UNC13C: variants seen among roughly 807,000 people sequenced by gnomAD.
UNC13C encodes protein unc-13 homolog C.
Under a neutral mutation model 245.4 loss-of-function variants are expected in UNC13C, and 174 were observed. That is an observed-to-expected ratio of 0.71 (90% CI 0.63 to 0.80). The LOEUF is 0.80. Ranked by LOEUF, UNC13C falls within the 30% of genes least tolerant of loss-of-function variation. The pLI, the probability that UNC13C is intolerant of heterozygous loss-of-function variation, is 0.00. For synonymous variants in UNC13C, 992 were observed against 895.1 expected (o/e 1.11, Z -1.93); for missense variants, 2,829 against 2,602.9 (o/e 1.09, Z -1.89).
intron 19 of UNC13C, among the ~76,000 whole-genome samples, chr15:54,441,515 T>G (rs982742150): frequency 1.3e-5 from 2 of 152,102 alleles, no homozygotes; most frequent in East Asian, 3.9e-4. Flanking sequence ...TATGTGAATA[T>G]ATTTTAGGGT....
At chr15:54,439,643 G>GT (rs147638265) in intron 19 of UNC13C, among the ~76,000 whole-genome samples, 161 of 151,818 alleles carry the variant, frequency 1.1e-3, no homozygotes, top group Middle Eastern at 6.8e-3. Context: ...AAAGTCTCAA[G>GT]TTTTTTTATC....
chr15:53,895,634 CTG>C, the UNC13C span, among the ~76,000 whole-genome samples: 1 of 152,106 alleles, frequency 6.6e-6, no homozygotes, highest in Non-Finnish European at 1.5e-5. Context: ...CTCCAGCTGT[CTG>C]TGAGATTAGA....
chr15:54,489,778 C>A (rs1167548759), intron 19 of UNC13C, among the ~76,000 whole-genome samples: 1 of 152,138 alleles, frequency 6.6e-6, no homozygotes. Context: ...AACAAACCAA[C>A]AAAATCTTAT....
chr15:54,280,770 A>G (rs2140915723), intron 10 of UNC13C, among the ~76,000 whole-genome samples: 1 of 106,092 alleles, frequency 9.4e-6, no homozygotes, highest in South Asian at 2.7e-4. Context: ...ACATACATAC[A>G]TATATATATA....
In UNC13C at chr15:54,014,010, C is replaced by T; in HGVS notation, c.1107C>T (p.Cys369=). Residue 369 remains cysteine, a synonymous_variant, in exon 2 of 33, where the codon TGC becomes TGT. Coordinates refer to ENST00000260323, the MANE Select transcript of UNC13C (RefSeq NM_001080534.3). ...FAQRIGHQRD[C]PNAKPRPILV... ...AGAGGATAGGACACCAGAGAGACTG[C>T]CCAAATGCAAAGCCTCGACCCATAC... is the stretch of plus-strand genomic sequence containing the variant. The T allele has an allele frequency of 1.2e-6, 2 of 1,613,736 alleles. No homozygotes were observed. The highest frequency in any genetic ancestry group is 2.2e-5 in the South Asian group (2 of 91,066).
intron 2 of UNC13C, among the ~76,000 whole-genome samples, chr15:54,023,902 T>C (rs1173599919): frequency 6.6e-6 from 1 of 152,224 alleles, no homozygotes; most frequent in East Asian, 1.9e-4. Flanking sequence ...ATGAATAGTT[T>C]TTATTTGCTT....
intron 1 of UNC13C, among the ~76,000 whole-genome samples, chr15:53,995,858 G>A (rs535427191): frequency 1.3e-5 from 2 of 152,276 alleles, no homozygotes; most frequent in African/African-American, 4.8e-5. Flanking sequence ...GATGGTGAGA[G>A]GTTGGAGATG....
chr15:54,455,219 A>ATG lies in UNC13C; in HGVS notation c.4934-39388_4934-39387insGT, dbSNP rs1393450532. Among the ~76,000 whole-genome samples, 63 of 70,292 alleles carry ATG rather than the reference A, an allele frequency of 9.0e-4. 4 individuals are homozygous for ATG. Among genetic ancestry groups the ATG allele is most frequent in the African/African-American group, 2.4e-3 (57 of 23,324 alleles). The allele number at this position is 70,292 out of a possible 152,430, so 46.1% of individuals were successfully genotyped here. A position where few individuals can be genotyped will look rare whatever the true frequency, so the allele number is the denominator to read the frequency against. ...TCTCTCTCTCTCTATATATATATATATATATATATATATATATATGTTTTT... is the reference window on the plus strand; with the variant it reads ...TCTCTCTCTCTCTATATATATATATATGTATATATATATATATATATGTTTTT... On this transcript the variant is annotated intron_variant, in intron 19 of 32. Coordinates refer to ENST00000260323, the MANE Select transcript of UNC13C (RefSeq NM_001080534.3).
intron 2 of UNC13C, among the ~76,000 whole-genome samples, chr15:54,132,074 CTT>C (rs1555420957): frequency 1.3e-4 from 14 of 110,670 alleles, no homozygotes; most frequent in Non-Finnish European, 2.4e-4. Flanking sequence ...TTTTCTTTTT[CTT>C]TTTTTTTTTT....
intron 30 of UNC13C, among the ~76,000 whole-genome samples, chr15:54,573,335 T>A (rs1420095060): frequency 6.6e-6 from 1 of 152,178 alleles, no homozygotes; most frequent in Non-Finnish European, 1.5e-5. Flanking sequence ...TGAATCCCAT[T>A]AGAAATTTAT....
chr15:54,133,139 G>A (rs1382708434), intron 2 of UNC13C, among the ~76,000 whole-genome samples: 1 of 152,098 alleles, frequency 6.6e-6, no homozygotes, highest in Non-Finnish European at 1.5e-5. Context: ...CATACCAAAA[G>A]ATATCATAGA....
rs148989460 is a variant in UNC13C, at chr15:54,189,455, A to G, written c.3072-45575A>G. ...GTTGCCTGCTGAATCTTTTATAGCT[A>G]TTAGGAAAATGAGCTCCACAAGTAA... On this transcript the variant is annotated intron_variant, in intron 4 of 32. Transcript: ENST00000260323. 1.5e-3 allele frequency among the ~76,000 whole-genome samples: 230 copies of G among 152,220 alleles called. 1 individual carries two copies. Among genetic ancestry groups the G allele is most frequent in the African/African-American group, 5.2e-3 (218 of 41,542 alleles).
chr15:54,260,457 A>C (rs976701347), intron 8 of UNC13C, among the ~76,000 whole-genome samples: 1 of 151,812 alleles, frequency 6.6e-6, no homozygotes, highest in Non-Finnish European at 1.5e-5. Flanking sequence ...CTGTTGAGAA[A>C]AATAGCAAAA....
chr15:54,469,564 T>A (rs903978035), intron 19 of UNC13C, among the ~76,000 whole-genome samples: 1 of 151,558 alleles, frequency 6.6e-6, no homozygotes, highest in Non-Finnish European at 1.5e-5. Context: ...TGCATATAAT[T>A]AATGCATATC....
intron 14 of UNC13C, among the ~76,000 whole-genome samples, chr15:54,329,738 C>G (rs1041055318): frequency 2.6e-5 from 4 of 152,070 alleles, no homozygotes; most frequent in Non-Finnish European, 1.5e-5. Flanking sequence ...GTTGTTCTGG[C>G]TTTCAGTGAC....
At chr15:54,359,046 A>AT (rs544655781) in intron 17 of UNC13C, among the ~76,000 whole-genome samples, 20 of 151,048 alleles carry the variant, frequency 1.3e-4, no homozygotes, top group South Asian at 4.2e-4. Context: ...ATTTTATAGA[A>AT]TTTTTTTTCT....
chr15:54,625,038 A>C (rs1901047090), intron 32 of UNC13C, among the ~76,000 whole-genome samples: 1 of 152,096 alleles, frequency 6.6e-6, no homozygotes. Context: ...GGAAAGAACT[A>C]TTCATTTCTT....
At position 54,626,837 on chromosome 15, in the gene UNC13C, A is replaced by G; in HGVS notation, c.6369A>G (p.Gly2123=). 1 of 1,611,136 alleles carries G rather than the reference A, an allele frequency of 6.2e-7. No homozygotes were observed. The highest frequency in any genetic ancestry group is 8.5e-7 in the Non-Finnish European group (1 of 1,178,212). Residue 2123 remains glycine (G), a synonymous_variant, in exon 33 of 33, where the codon GGA becomes GGG. Transcript: ENST00000260323. ...TTTTTAATCCACACAGCATTCTCGG[A>G]AAGGAAAATCGACCAGGGGCTTATG... ...KYNETFQFIL[G]KENRPGAYEL... is the part of the protein sequence containing the mutation.
intron 1 of UNC13C, among the ~76,000 whole-genome samples, chr15:53,997,407 T>A (rs930585253): frequency 6.6e-6 from 1 of 152,200 alleles, no homozygotes; most frequent in Non-Finnish European, 1.5e-5. Context: ...TTAATTTTGA[T>A]GAATTCCAAG....
Sources: allele counts gnomAD v4.1 joint callset (sites outside exome capture counted in the v4.1 genomes callset), GRCh38; gene constraint gnomAD v4.1.1; transcripts MANE v1.5; gene names NCBI Gene and HGNC (gene_info 2026-07-23, HGNC 2026-07-21).